TRPC4: variants seen among roughly 807,000 people sequenced by gnomAD.
TRPC4 encodes transient receptor potential cation channel subfamily C member 4.
Under a neutral mutation model 99.4 loss-of-function variants are expected in TRPC4, and 49 were observed. That is an observed-to-expected ratio of 0.49 (90% CI 0.39 to 0.63). The LOEUF (loss-of-function observed/expected upper bound fraction) is 0.63, where lower values mean the gene tolerates loss of function less well. Among genes scored for constraint, TRPC4 ranks in the 20% least tolerant of loss-of-function variants. TRPC4 has a pLI of 0.00. For synonymous variants in TRPC4, 454 were observed against 425.9 expected, an observed-to-expected ratio of 1.07 and a Z score of -0.81; for missense variants, 898 against 1,152.9, an observed-to-expected ratio of 0.78 and a Z score of 3.20.
intron 1 of TRPC4, among the ~76,000 whole-genome samples, chr13:37,846,742 A>C (rs1196066361): frequency 6.6e-6 from 1 of 152,122 alleles, no homozygotes; most frequent in African/African-American, 2.4e-5. Context: ...AAATGGATTA[A>C]ATTCTTCAAT....
chr13:37,791,398 TAAAAA>T (rs11312586), intron 1 of TRPC4, among the ~76,000 whole-genome samples: 6 of 114,762 alleles, frequency 5.2e-5, no homozygotes, highest in African/African-American at 2.2e-4. Context: ...TCTGTCTCAA[TAAAAA>T]AAAAAAAAAA....
At chr13:37,832,589 A>T (rs1958453446) in intron 1 of TRPC4, among the ~76,000 whole-genome samples, 1 of 152,138 alleles carries the variant, frequency 6.6e-6, no homozygotes, top group Non-Finnish European at 1.5e-5. Flanking sequence ...GAAGACCAAA[A>T]CAAGTAAATA....
At chr13:37,667,130 C>T (rs1952670574) in intron 5 of TRPC4, among the ~76,000 whole-genome samples, 1 of 152,210 alleles carries the variant, frequency 6.6e-6, no homozygotes, top group Non-Finnish European at 1.5e-5. Flanking sequence ...CTCCTAGAAT[C>T]TTTTTGTCTA....
chr13:37,748,079 C>T (rs764988696), intron 2 of TRPC4, among the ~76,000 whole-genome samples: 4 of 152,192 alleles, frequency 2.6e-5, no homozygotes, highest in East Asian at 1.9e-4. Context: ...GAGATTTCAT[C>T]GTGCTGTTCA....
intron 1 of TRPC4, among the ~76,000 whole-genome samples, chr13:37,865,752 C>T (rs1263994260): frequency 6.6e-6 from 1 of 151,702 alleles, no homozygotes; most frequent in Non-Finnish European, 1.5e-5. Context: ...GTAGTCTTTA[C>T]CATCAGGTAG....
intron 5 of TRPC4, among the ~76,000 whole-genome samples, chr13:37,664,043 A>G (rs764205933): frequency 8.5e-5 from 13 of 152,196 alleles, no homozygotes; most frequent in Non-Finnish European, 1.9e-4. Context: ...CAGTTGCTGA[A>G]TTGCTAACTT....
chr13:37,726,273 C>A lies in TRPC4; in HGVS notation c.897+19664G>T, dbSNP rs568665302. On this transcript the variant is annotated intron_variant, in intron 3 of 10. Coordinates refer to ENST00000379705, the MANE Select transcript of TRPC4 (RefSeq NM_016179.4). ...TTTGTTTTCTACATAATTTAAGAGACAAATGCATTTTAAAAATCATTAGAT... is the reference window on the plus strand; with the variant it reads ...TTTGTTTTCTACATAATTTAAGAGAAAAATGCATTTTAAAAATCATTAGAT... Among the ~76,000 whole-genome samples, 25 of 151,824 alleles carry A rather than the reference C, an allele frequency of 1.6e-4. No individual in the cohort carries two copies. The East Asian group carries it at 4.6e-3, about 28-fold the overall frequency.
At chr13:37,821,939 A>G (rs1335684697) in intron 1 of TRPC4, among the ~76,000 whole-genome samples, 2 of 152,210 alleles carry the variant, frequency 1.3e-5, no homozygotes, top group African/African-American at 4.8e-5. Context: ...AAGCAATTAC[A>G]ATAAAAACAA....
At chr13:37,666,682 TA>T (rs1391341268) in intron 5 of TRPC4, among the ~76,000 whole-genome samples, 1 of 152,228 alleles carries the variant, frequency 6.6e-6, no homozygotes, top group African/African-American at 2.4e-5. Flanking sequence ...ATTTGAATTT[TA>T]AAAAATTTCT....
Position 37,713,810 on chromosome 13 carries a change from C to G in TRPC4, c.898-21475G>C, listed in dbSNP as rs1350555537. Among the ~76,000 whole-genome samples the G allele has an allele frequency of 4.6e-5, 7 of 152,098 alleles. No individual in the cohort carries two copies. The East Asian group carries it at 1.4e-3, about 29-fold the overall frequency. On this transcript the variant is annotated intron_variant, in intron 3 of 10. Coordinates refer to ENST00000379705, the MANE Select transcript of TRPC4 (RefSeq NM_016179.4). Reference sequence around the variant, plus strand: ...TTACTGATCCTAAGGATTAATAAATCAATGTTCTCTGCTATAAGAGAGGTG... The same window carrying G: ...TTACTGATCCTAAGGATTAATAAATGAATGTTCTCTGCTATAAGAGAGGTG...
chr13:37,774,308 A>G lies in TRPC4; in HGVS notation c.378+8648T>C, dbSNP rs549413582. ...CTGTATTCTGTAAGTCAGTTCTCAC[A>G]TACTCAAAGCTTACAGTACAAAATT... On this transcript the variant is annotated intron_variant, in intron 2 of 10. Transcript: ENST00000379705. Among the ~76,000 whole-genome samples, 20 of 151,908 alleles carry G rather than the reference A, an allele frequency of 1.3e-4. No individual in the cohort carries two copies. The South Asian group carries it at 3.9e-3, about 30-fold the overall frequency.
At position 37,698,167 on chromosome 13, in the gene TRPC4, C is replaced by CTTTTTTTGTTTTTTTTTTTTT. The variant is rs1953981598; in HGVS notation, c.898-5833_898-5832insAAAAAAAAAAAAACAAAAAAA. Among the ~76,000 whole-genome samples the CTTTTTTTGTTTTTTTTTTTTT allele has an allele frequency of 4.7e-5, 2 of 42,556 alleles. 1 individual carries two copies. Among genetic ancestry groups the CTTTTTTTGTTTTTTTTTTTTT allele is most frequent in the Non-Finnish European group, 7.5e-5 (2 of 26,720 alleles). The allele number at this position is 42,556 out of a possible 152,430, so 27.9% of individuals were successfully genotyped here. A position where few individuals can be genotyped will look rare whatever the true frequency, so the allele number is the denominator to read the frequency against. ...TCTCAAGGTTACTCCAAGGACTAAC[C>CTTTTTTTGTTTTTTTTTTTTT]TTTTTTTTTTTGAGTGGGAATCTCA... is the stretch of plus-strand genomic sequence containing the variant. On this transcript the variant is annotated intron_variant, in intron 3 of 10. Transcript: ENST00000379705.
At chr13:37,834,987 G>C (rs1000428485) in intron 1 of TRPC4, among the ~76,000 whole-genome samples, 4 of 151,860 alleles carry the variant, frequency 2.6e-5, no homozygotes, top group African/African-American at 9.7e-5. Flanking sequence ...TGCCTGTATT[G>C]GCCTCCCAAA....
intron 1 of TRPC4, among the ~76,000 whole-genome samples, chr13:37,826,211 T>A (rs1958202335): frequency 2.0e-5 from 2 of 99,688 alleles, no homozygotes; most frequent in Admixed American, 1.2e-4. Context: ...CACTGATGGG[T>A]CTTGACTCTT....
chr13:37,666,208 C>T (rs1186261007), intron 5 of TRPC4, among the ~76,000 whole-genome samples: 1 of 152,134 alleles, frequency 6.6e-6, no homozygotes, highest in Non-Finnish European at 1.5e-5. Flanking sequence ...TTTCTCTTTT[C>T]TTCTCCAGGG....
intron 5 of TRPC4, among the ~76,000 whole-genome samples, chr13:37,669,680 A>G (rs2138731963): frequency 6.6e-6 from 1 of 152,298 alleles, no homozygotes; most frequent in Admixed American, 6.5e-5. Flanking sequence ...AATCTTCAGA[A>G]ACATTCTATT....
At chr13:37,800,732 C>T (rs1170261228) in intron 1 of TRPC4, among the ~76,000 whole-genome samples, 1 of 151,756 alleles carries the variant, frequency 6.6e-6, no homozygotes, top group East Asian at 1.9e-4. Context: ...ATAGGACTAA[C>T]AGGACACTAA....
chr13:37,712,046 T>C (rs901730141), intron 3 of TRPC4, among the ~76,000 whole-genome samples: 2 of 152,072 alleles, frequency 1.3e-5, no homozygotes, highest in African/African-American at 2.4e-5. Context: ...AAACTATATT[T>C]TGAGTGCTTA....
chr13:37,797,982 G>C (rs1957301474), intron 1 of TRPC4, among the ~76,000 whole-genome samples: 1 of 152,032 alleles, frequency 6.6e-6, no homozygotes, highest in South Asian at 2.1e-4. Flanking sequence ...TAGCATATTG[G>C]CACTTAGATA....
Sources: allele counts gnomAD v4.1 joint callset (sites outside exome capture counted in the v4.1 genomes callset), GRCh38; gene constraint gnomAD v4.1.1; transcripts MANE v1.5; gene names NCBI Gene and HGNC (gene_info 2026-07-23, HGNC 2026-07-21).